CRIM1: variants seen among roughly 807,000 people sequenced by gnomAD.
CRIM1 encodes cysteine-rich motor neuron 1 protein.
CRIM1 carries 32 observed loss-of-function variants against 116.4 expected under a neutral mutation model. The observed-to-expected ratio is 0.27, with a 90% CI of 0.21 to 0.37. The LOEUF (loss-of-function observed/expected upper bound fraction) is 0.37. Ranked by LOEUF, CRIM1 falls within the 10% of genes least tolerant of loss-of-function variation. The pLI is 1.00. For synonymous variants in CRIM1, 590 were observed against 509.2 expected (o/e 1.16, Z -2.13); for missense variants, 1,331 against 1,354.8 (o/e 0.98, Z 0.28).
intron 2 of CRIM1, among the ~76,000 whole-genome samples, chr2:36,437,188 A>C (rs1339648085): frequency 6.6e-6 from 1 of 152,220 alleles, no homozygotes; most frequent in Non-Finnish European, 1.5e-5. Flanking sequence ...ATCCTGGCTA[A>C]CACGGTGAAA....
chr2:36,499,742 G>A lies in CRIM1; in HGVS notation c.1501+395G>A, dbSNP rs1680856325. Among the ~76,000 whole-genome samples the A allele has an allele frequency of 2.0e-5, 3 of 152,154 alleles. No homozygotes were observed. In the South Asian group the frequency reaches 6.2e-4, roughly 32 times the overall value. Reference sequence around the variant, plus strand: ...TCCTTAGACTGTGCTTCACTTTGTTGACCCCAGCTTTGCCTCCATGCAGAT... The same window carrying A: ...TCCTTAGACTGTGCTTCACTTTGTTAACCCCAGCTTTGCCTCCATGCAGAT... On this transcript the variant is annotated intron_variant, in intron 8 of 16. Coordinates refer to ENST00000280527, the MANE Select transcript of CRIM1 (RefSeq NM_016441.3).
intron 14 of CRIM1, among the ~76,000 whole-genome samples, chr2:36,541,468 T>C (rs1296228784): frequency 6.6e-6 from 1 of 152,148 alleles, no homozygotes; most frequent in Non-Finnish European, 1.5e-5. Context: ...AAGAGGGTTA[T>C]CCGAAGTCAT....
chr2:36,394,879 A>G (rs1268064079), intron 1 of CRIM1, among the ~76,000 whole-genome samples: 2 of 152,164 alleles, frequency 1.3e-5, no homozygotes, highest in Non-Finnish European at 2.9e-5. Flanking sequence ...ACATTCTTGT[A>G]ACGACCTCTT....
chr2:36,436,679 A>G (rs1675338238), intron 2 of CRIM1, among the ~76,000 whole-genome samples: 1 of 152,192 alleles, frequency 6.6e-6, no homozygotes, highest in South Asian at 2.1e-4. Flanking sequence ...ATACCCATCT[A>G]TTTTAAAATT....
intron 7 of CRIM1, among the ~76,000 whole-genome samples, chr2:36,484,244 G>T (rs541718229): frequency 7.9e-5 from 12 of 152,298 alleles, no homozygotes; most frequent in African/African-American, 2.9e-4. Flanking sequence ...AAGACGCCTT[G>T]TGCATGGTGT....
rs141940978 is a variant in CRIM1, at chr2:36,467,700, G to A, written c.991+3045G>A. On this transcript the variant is annotated intron_variant, in intron 5 of 16. Transcript: ENST00000280527. ...TTGAAAGTGAAAAATCAAACAGAAA[G>A]CACCCACGGGTATACAGTCCATCAG... 1.8e-4 allele frequency among the ~76,000 whole-genome samples: 28 copies of A among 152,320 alleles called. No homozygotes were observed. In the East Asian group the frequency reaches 5.2e-3, roughly 28 times the overall value.
At chr2:36,386,123 G>T (rs1671146316) in intron 1 of CRIM1, among the ~76,000 whole-genome samples, 1 of 152,116 alleles carries the variant, frequency 6.6e-6, no homozygotes, top group Non-Finnish European at 1.5e-5. Context: ...TACTCTTGGT[G>T]ATTTGACTAA....
chr2:36,543,494 G>A (rs1163615891), intron 14 of CRIM1, among the ~76,000 whole-genome samples: 2 of 130,122 alleles, frequency 1.5e-5, no homozygotes, highest in South Asian at 2.9e-4. Context: ...TTGAGTAATT[G>A]CTTTATAAAA....
Position 36,442,565 on chromosome 2 carries a change from A to C in CRIM1, c.749-50A>C. On this transcript the variant is annotated intron_variant, in intron 3 of 16. Transcript: ENST00000280527. ...CTAGTATTTCATTTAGGGACTCCAA[A>C]AGCAAGTAAATATAACAATAAACGG... The C allele has an allele frequency of 1.9e-6, 3 of 1,610,190 alleles. No homozygotes were observed. The African/African-American group carries it at 4.0e-5, about 21-fold the overall frequency.
intron 1 of CRIM1, among the ~76,000 whole-genome samples, chr2:36,359,855 GC>G (rs1669104480): frequency 6.6e-6 from 1 of 152,164 alleles, no homozygotes; most frequent in Non-Finnish European, 1.5e-5. Context: ...TTAGGAGAGT[GC>G]AGGTCTTTTT....
At chr2:36,473,165 T>C (rs562892559) in intron 5 of CRIM1, among the ~76,000 whole-genome samples, 1 of 152,300 alleles carries the variant, frequency 6.6e-6, no homozygotes, top group Middle Eastern at 3.4e-3. Context: ...TGTCCTTGAG[T>C]ACAATGCAAA....
chr2:36,474,625 G>A (rs998523395), intron 5 of CRIM1, among the ~76,000 whole-genome samples: 7 of 152,038 alleles, frequency 4.6e-5, no homozygotes, highest in African/African-American at 1.7e-4. Flanking sequence ...GGAGGCCAAG[G>A]TGGTTGGATC....
chr2:36,538,202 C>T (rs1008755111), intron 14 of CRIM1, among the ~76,000 whole-genome samples: 1 of 152,172 alleles, frequency 6.6e-6, no homozygotes, highest in South Asian at 2.1e-4. Context: ...AACCTAAGTC[C>T]TTCTCAGCTG....
chr2:36,365,035 G>T (rs1669498097), intron 1 of CRIM1, among the ~76,000 whole-genome samples: 1 of 152,110 alleles, frequency 6.6e-6, no homozygotes, highest in Non-Finnish European at 1.5e-5. Context: ...TCAAAGGGGT[G>T]GGAGTTTCGA....
chr2:36,457,047 A>T (rs941423682), intron 4 of CRIM1, among the ~76,000 whole-genome samples: 2 of 152,220 alleles, frequency 1.3e-5, no homozygotes, highest in African/African-American at 4.8e-5. Context: ...GCCACATGCC[A>T]GCCTCGAGGA....
chr2:36,406,480 A>AGGTTAAATGTGTTTTCCTTT, intron 2 of CRIM1, among the ~76,000 whole-genome samples: 1 of 152,116 alleles, frequency 6.6e-6, no homozygotes, highest in East Asian at 1.9e-4. Flanking sequence ...CCGGAAGGTG[A>AGGTTAAATGTGTTTTCCTTT]GGTTAAATGT....
chr2:36,538,615 T>A (rs1459228568), intron 14 of CRIM1, among the ~76,000 whole-genome samples: 2 of 152,236 alleles, frequency 1.3e-5, no homozygotes, highest in Non-Finnish European at 2.9e-5. Context: ...GCCTTTTGTT[T>A]AGGCGTTGTG....
intron 4 of CRIM1, among the ~76,000 whole-genome samples, chr2:36,451,546 C>A (rs949972399): frequency 2.0e-5 from 3 of 152,184 alleles, no homozygotes; most frequent in Non-Finnish European, 2.9e-5. Context: ...TTCCTCTGTT[C>A]TGGAACATCT....
rs775174810 is a variant in CRIM1 at position 36,548,899 on chromosome 2, AC to A, written c.*200del. On this transcript the variant is annotated 3_prime_UTR_variant, in exon 17 of 17. Coordinates refer to ENST00000280527, the MANE Select transcript of CRIM1 (RefSeq NM_016441.3). ...TTCCCACTTTTCCTCAAGATAACTG[AC>A]CAAGTGTTTTCTTAGAACCAAAGTT... 4.8e-5 allele frequency: 18 copies of A among 372,704 alleles called. No individual in the cohort carries two copies. Among genetic ancestry groups the A allele is most frequent in the Non-Finnish European group, 7.9e-5 (17 of 215,534 alleles). The allele number at this position is 372,704 out of a possible 1,614,324, so 23.1% of individuals were successfully genotyped here.
Sources: allele counts gnomAD v4.1 joint callset (sites outside exome capture counted in the v4.1 genomes callset), GRCh38; gene constraint gnomAD v4.1.1; transcripts MANE v1.5; gene names NCBI Gene and HGNC (gene_info 2026-07-23, HGNC 2026-07-21).